The following RAD54L2 variants were observed in gnomAD, a reference collection of about 807,000 sequenced individuals.
RAD54L2 encodes helicase ARIP4.
In RAD54L2, 27 loss-of-function variants were observed where a neutral mutation model predicts 138.4. That is an observed-to-expected ratio of 0.20 (90% confidence interval 0.14 to 0.27). RAD54L2 has a LOEUF of 0.27. RAD54L2 is among the 10% of genes least tolerant of loss of function. RAD54L2 has a pLI of 1.00. For synonymous variants in RAD54L2, 644 were observed against 723.2 expected (o/e 0.89, Z 1.76); for missense variants, 1,396 against 1,890.2 (o/e 0.74, Z 4.85).
chr3:51,548,581 G>A (rs921751751), intron 2 of RAD54L2, among the ~76,000 whole-genome samples: 1 of 152,194 alleles, frequency 6.6e-6, no homozygotes. Context: ...CCGAAAAGGT[G>A]AAGTGGCTTG....
intron 19 of RAD54L2, among the ~76,000 whole-genome samples, chr3:51,649,480 C>G (rs1308804516): frequency 6.6e-6 from 1 of 152,056 alleles, no homozygotes; most frequent in Non-Finnish European, 1.5e-5. Context: ...AGAGCAACCC[C>G]AAGACACATA....
At chr3:51,539,429 G>A (rs1460784220) in intron 1 of RAD54L2, among the ~76,000 whole-genome samples, 3 of 152,176 alleles carry the variant, frequency 2.0e-5, no homozygotes, top group African/African-American at 7.2e-5. Flanking sequence ...GAGGTAACTG[G>A]TGATTAGTTC....
At chr3:51,566,618 C>A (rs908490757) in intron 2 of RAD54L2, among the ~76,000 whole-genome samples, 1 of 151,540 alleles carries the variant, frequency 6.6e-6, no homozygotes, top group Admixed American at 6.6e-5. Flanking sequence ...CATGCACCAC[C>A]ATCTTTTCTG....
chr3:51,648,146 C>T (rs1228777069), intron 19 of RAD54L2, among the ~76,000 whole-genome samples: 1 of 152,228 alleles, frequency 6.6e-6, no homozygotes, highest in Non-Finnish European at 1.5e-5. Flanking sequence ...GAGATTATAT[C>T]CCGCACCTGT....
Position 51,577,056 on chromosome 3 carries a change from A to G in RAD54L2, c.-54-13311A>G, listed in dbSNP as rs377671383. 3.5e-4 allele frequency among the ~76,000 whole-genome samples: 53 copies of G among 149,732 alleles called. No individual in the cohort carries two copies. In the East Asian group the frequency reaches 7.0e-3, roughly 20 times the overall value. ...TCTGGTATGTTGTGTCTTTGCTCTC[A>G]TTGGTTTCAAAGAACATCTTTATTT... On this transcript the variant is annotated intron_variant, in intron 2 of 22. Coordinates refer to ENST00000684192, the MANE Select transcript of RAD54L2 (RefSeq NM_015106.4).
At chr3:51,561,938 G>A (rs945850112) in intron 2 of RAD54L2, among the ~76,000 whole-genome samples, 25 of 151,774 alleles carry the variant, frequency 1.6e-4, no homozygotes, top group African/African-American at 5.8e-4. Flanking sequence ...GCGCAATTGT[G>A]GCTCACTGCA....
chr3:51,637,559 G>GCCCTGTTATACCT lies in RAD54L2; in HGVS notation c.1682+56_1682+57insCCCTGTTATACCT. 3 of 1,517,868 alleles carry GCCCTGTTATACCT rather than the reference G, an allele frequency of 2.0e-6. No individual in the cohort carries two copies. The highest frequency in any genetic ancestry group is 1.8e-6 in the Non-Finnish European group (2 of 1,121,006). 94.0% of individuals were successfully genotyped at this position (1,517,868 alleles called of 1,614,324 possible). A position where few individuals can be genotyped will look rare whatever the true frequency, so the allele number is the denominator to read the frequency against. On this transcript the variant is annotated intron_variant, in intron 11 of 22. Transcript: ENST00000684192. This position sits in a 1 kb window ranked among gnomAD's most constrained non-coding sequence, Gnocchi z 5.9. The stretch of plus-strand genomic sequence containing the variant: ...ATTTTCAGAGGGCCCTGTTGCCAAG[G>GCCCTGTTATACCT]GCATGCCAAACCTGTTATACAGGAT...
At chr3:51,641,462 G>A (rs866025991) in intron 14 of RAD54L2, among the ~76,000 whole-genome samples, 1 of 151,852 alleles carries the variant, frequency 6.6e-6, no homozygotes, top group Non-Finnish European at 1.5e-5. Flanking sequence ...GATTACAGGC[G>A]TGTGCCACCA....
At position 51,645,311 on chromosome 3, in the gene RAD54L2, A is replaced by G; in HGVS notation, c.2656+82A>G. ...GTATCAAGGGTGGGAGAGGAGCAGG[A>G]TATGGGAACACAGGCAGGCTTCGAG... On this transcript the variant is annotated intron_variant, in intron 17 of 22. Transcript: ENST00000684192. The surrounding 1 kb of genome is among the most constrained non-coding windows in gnomAD (Gnocchi z 6.1). 8 of 1,365,102 alleles carry G rather than the reference A, an allele frequency of 5.9e-6. No homozygotes were observed. The highest frequency in any genetic ancestry group is 2.0e-5 in the Admixed American group (1 of 49,084). 84.6% of individuals were successfully genotyped at this position (1,365,102 alleles called of 1,614,324 possible). A position where few individuals can be genotyped will look rare whatever the true frequency, so the allele number is the denominator to read the frequency against.
At chr3:51,651,348 A>G (rs1240327161) in intron 19 of RAD54L2, among the ~76,000 whole-genome samples, 3 of 152,206 alleles carry the variant, frequency 2.0e-5, no homozygotes, top group African/African-American at 7.2e-5. Flanking sequence ...GCTGAATTCT[A>G]CCAGAGGTAC....
intron 3 of RAD54L2, among the ~76,000 whole-genome samples, chr3:51,606,663 T>A (rs964020833): frequency 1.3e-5 from 2 of 152,112 alleles, no homozygotes; most frequent in African/African-American, 2.4e-5. Context: ...AAAGTTTATT[T>A]TTTTTTTTAT....
At chr3:51,570,496 G>A (rs982257846) in intron 2 of RAD54L2, among the ~76,000 whole-genome samples, 2 of 143,346 alleles carry the variant, frequency 1.4e-5, no homozygotes, top group Non-Finnish European at 3.0e-5. Flanking sequence ...TCTCACACTC[G>A]CCCAGGCTGA....
Position 51,652,476 on chromosome 3 carries a change from C to T in RAD54L2, c.3027-3495C>T, listed in dbSNP as rs1219410837. 2.6e-5 allele frequency among the ~76,000 whole-genome samples: 4 copies of T among 152,182 alleles called. No individual in the cohort carries two copies. In the East Asian group the frequency reaches 7.7e-4, roughly 29 times the overall value. ...AAAGAGCCTGCATTGCCAAGACAAT[C>T]CTAAGCCAAAAGAACAAAGCTGGAG... On this transcript the variant is annotated intron_variant, in intron 19 of 22. Coordinates refer to ENST00000684192, the MANE Select transcript of RAD54L2 (RefSeq NM_015106.4).
chr3:51,601,317 T>TTTGTTTTTGTTTTG (rs1234374385), intron 3 of RAD54L2, among the ~76,000 whole-genome samples: 12 of 150,524 alleles, frequency 8.0e-5, no homozygotes, highest in African/African-American at 2.9e-4. Flanking sequence ...CGGCTTTTTT[T>TTTGTTTTTGTTTTG]TTTTTTTTGA....
Position 51,548,535 on chromosome 3 carries a change from G to A in RAD54L2, c.-55+6885G>A, listed in dbSNP as rs116656451. ...CTTCATCCTCCCAACAACCCTGTGA[G>A]GCAAATATCCCCATTGTACAGATGA... On this transcript the variant is annotated intron_variant, in intron 2 of 22. Transcript: ENST00000684192. 6.8e-3 allele frequency among the ~76,000 whole-genome samples: 1,037 copies of A among 152,182 alleles called. 9 individuals are homozygous for A. The highest frequency in any genetic ancestry group is 0.023 in the African/African-American group (967 of 41,526).
chr3:51,655,505 A>AT (rs1316233701), intron 19 of RAD54L2, among the ~76,000 whole-genome samples: 2 of 152,178 alleles, frequency 1.3e-5, no homozygotes, highest in Middle Eastern at 3.2e-3. Context: ...GGAACAGACT[A>AT]TTTTTTAGGA....
intron 2 of RAD54L2, among the ~76,000 whole-genome samples, chr3:51,577,321 A>G (rs1164537561): frequency 6.6e-6 from 1 of 152,112 alleles, no homozygotes; most frequent in African/African-American, 2.4e-5. Context: ...TGTATATTCT[A>G]TTGATTTGGG....
intron 3 of RAD54L2, chr3:51,611,485 G>C (rs1416263577): frequency 1.3e-5 from 2 of 151,896 alleles, no homozygotes; most frequent in Admixed American, 6.6e-5. Context: ...TGCCTTAACT[G>C]TATGTGTATT....
At chr3:51,561,254 C>CT (rs1332658853) in intron 2 of RAD54L2, among the ~76,000 whole-genome samples, 1 of 152,106 alleles carries the variant, frequency 6.6e-6, no homozygotes, top group Non-Finnish European at 1.5e-5. Context: ...AATTCCCTAT[C>CT]TTTTTTTAGG....
Sources: gnomAD v4.1 joint callset for allele counts (sites outside exome capture counted in the v4.1 genomes callset) on GRCh38, gnomAD v4.1.1 for gene constraint, Gnocchi (gnomAD v3.1) non-coding constraint, MANE v1.5 for transcripts, NCBI Gene and HGNC (gene_info 2026-07-23, HGNC 2026-07-21) for gene names.